The following ABTB3 variants were observed in gnomAD, a reference collection of about 807,000 sequenced individuals.
The protein encoded by ABTB3 is ankyrin repeat- and BTB/POZ domain-containing protein 3.
chr12:107,562,787 C>T, the ABTB3 span, among the ~76,000 whole-genome samples: 123 of 152,336 alleles, frequency 8.1e-4, no homozygotes, highest in African/African-American at 2.7e-3. Context: ...GCACTAGGAA[C>T]AGTACCATTT....
the ABTB3 span, among the ~76,000 whole-genome samples, chr12:107,367,629 C>T: frequency 5.3e-5 from 8 of 152,164 alleles, no homozygotes; most frequent in Non-Finnish European, 1.0e-4. Flanking sequence ...GCCTCAGCCT[C>T]CGAGTAGCTG....
the ABTB3 span, among the ~76,000 whole-genome samples, chr12:107,560,729 C>G: frequency 1.3e-5 from 2 of 152,152 alleles, no homozygotes; most frequent in Non-Finnish European, 2.9e-5. Context: ...TGGATTGCTT[C>G]TAGAATGGAA....
the ABTB3 span, among the ~76,000 whole-genome samples, chr12:107,403,452 C>T: frequency 6.6e-6 from 1 of 152,248 alleles, no homozygotes; most frequent in South Asian, 2.1e-4. Context: ...CTACCTCAGC[C>T]CAGGGAGTGC....
the ABTB3 span, among the ~76,000 whole-genome samples, chr12:107,641,721 T>C: frequency 6.6e-6 from 1 of 152,158 alleles, no homozygotes; most frequent in Non-Finnish European, 1.5e-5. Flanking sequence ...ATGTGTTCCA[T>C]GGGCACCCGA....
chr12:107,608,993 AATAAAATAAAATAAAAT>A, the ABTB3 span, among the ~76,000 whole-genome samples: 24 of 128,740 alleles, frequency 1.9e-4, no homozygotes, highest in African/African-American at 7.1e-4. Flanking sequence ...AATAAAATAA[AATAAAATAAAATAAAAT>A]AAAGACACAG....
the ABTB3 span, among the ~76,000 whole-genome samples, chr12:107,578,231 A>G: frequency 2.6e-5 from 4 of 152,254 alleles, no homozygotes; most frequent in South Asian, 8.3e-4. Context: ...GAGTGACAAG[A>G]AGAAGGCAAT....
the ABTB3 span, among the ~76,000 whole-genome samples, chr12:107,633,557 A>G: frequency 6.6e-6 from 1 of 152,202 alleles, no homozygotes; most frequent in African/African-American, 2.4e-5. Context: ...CTTCTCAAGC[A>G]TGAATGTGCA....
At chr12:107,640,697 A>AC in the ABTB3 span, among the ~76,000 whole-genome samples, 2 of 151,978 alleles carry the variant, frequency 1.3e-5, no homozygotes, top group African/African-American at 4.8e-5. Context: ...ACAACCTGAG[A>AC]CCCCCACACA....
chr12:107,383,649 C>T, the ABTB3 span, among the ~76,000 whole-genome samples: 1 of 152,178 alleles, frequency 6.6e-6, no homozygotes, highest in Non-Finnish European at 1.5e-5. Flanking sequence ...CTGTTCTCTG[C>T]CTACCTTTCA....
At chr12:107,617,572 C>T in the ABTB3 span, 10 of 1,180,608 alleles carry the variant, frequency 8.5e-6, no homozygotes, top group Non-Finnish European at 1.0e-5. Flanking sequence ...GGCCCCAGGT[C>T]TGGCCAGAGC....
chr12:107,568,579 C>T, the ABTB3 span, among the ~76,000 whole-genome samples: 4 of 152,108 alleles, frequency 2.6e-5, no homozygotes, highest in African/African-American at 4.8e-5. Context: ...AATAACATTT[C>T]GAATCTTGAG....
At chr12:107,426,313 A>C in the ABTB3 span, among the ~76,000 whole-genome samples, 1 of 152,144 alleles carries the variant, frequency 6.6e-6, no homozygotes, top group Non-Finnish European at 1.5e-5. Flanking sequence ...GCAAGCCTGC[A>C]ACAGTGGCTG....
chr12:107,378,005 G>A, the ABTB3 span, among the ~76,000 whole-genome samples: 1 of 152,192 alleles, frequency 6.6e-6, no homozygotes, highest in Non-Finnish European at 1.5e-5. Context: ...AGGGAACCAT[G>A]CAAAGCGAAA....
At chr12:107,503,218 G>T in the ABTB3 span, among the ~76,000 whole-genome samples, 1 of 152,178 alleles carries the variant, frequency 6.6e-6, no homozygotes, top group Non-Finnish European at 1.5e-5. Flanking sequence ...CATAGGGACT[G>T]CCCCTAGTTG....
the ABTB3 span, among the ~76,000 whole-genome samples, chr12:107,512,559 A>C: frequency 6.6e-6 from 1 of 152,232 alleles, no homozygotes; most frequent in African/African-American, 2.4e-5. Context: ...GAGTTCCAGA[A>C]GGGCAGGGAT....
the ABTB3 span, among the ~76,000 whole-genome samples, chr12:107,361,048 A>G: frequency 7.1e-6 from 1 of 140,478 alleles, no homozygotes; most frequent in Non-Finnish European, 1.5e-5. Flanking sequence ...GCACTTTAGG[A>G]GTAGCCCCTG....
At chr12:107,443,215 T>G in the ABTB3 span, among the ~76,000 whole-genome samples, 6 of 152,014 alleles carry the variant, frequency 3.9e-5, no homozygotes, top group African/African-American at 1.4e-4. Flanking sequence ...GTGGGATGCA[T>G]TTGCTCAGAA....
chr12:107,442,507 C>A, the ABTB3 span, among the ~76,000 whole-genome samples: 1 of 152,268 alleles, frequency 6.6e-6, no homozygotes, highest in South Asian at 2.1e-4. Context: ...ATCTTGACAT[C>A]GGATGGCTTT....
At chr12:107,344,688 C>A in the ABTB3 span, among the ~76,000 whole-genome samples, 1 of 152,346 alleles carries the variant, frequency 6.6e-6, no homozygotes, top group Admixed American at 6.5e-5. Flanking sequence ...ATGTTCTTGG[C>A]ATTTTCCAGA....
Sources: gnomAD v4.1 joint callset for allele counts (sites outside exome capture counted in the v4.1 genomes callset) on GRCh38, gnomAD v4.1.1 for gene constraint, MANE v1.5 for transcripts, NCBI Gene and HGNC (gene_info 2026-07-23, HGNC 2026-07-21) for gene names.